CNTLN: variants seen among roughly 807,000 people sequenced by gnomAD.
CNTLN encodes centlein, centrosomal protein.
In CNTLN, 212 loss-of-function variants were observed where a neutral mutation model predicts 180.0. The observed-to-expected ratio is 1.18, with a 90% CI of 1.05 to 1.32. The LOEUF is 1.32. Among genes scored for constraint, CNTLN ranks in the 40% most tolerant of loss-of-function variants. CNTLN has a pLI of 0.00. For synonymous variants in CNTLN, 722 were observed against 563.1 expected (o/e 1.28, Z -3.99); for missense variants, 2,095 against 1,610.9 (o/e 1.30, Z -5.14).
intron 18 of CNTLN, among the ~76,000 whole-genome samples, chr9:17,446,203 C>T (rs1031670161): frequency 6.6e-4 from 101 of 152,212 alleles, no homozygotes; most frequent in East Asian, 1.4e-3. Flanking sequence ...ATATGCTGAA[C>T]GCTGGTTCCC....
chr9:17,181,882 C>T (rs895175081), intron 2 of CNTLN, among the ~76,000 whole-genome samples: 1 of 152,170 alleles, frequency 6.6e-6, no homozygotes, highest in Non-Finnish European at 1.5e-5. Context: ...CTTCCACTGT[C>T]ATCACGGGAG....
intron 13 of CNTLN, among the ~76,000 whole-genome samples, chr9:17,385,704 T>C (rs921650318): frequency 1.3e-5 from 2 of 152,238 alleles, no homozygotes; most frequent in African/African-American, 4.8e-5. Flanking sequence ...ATAGACTTTT[T>C]ATCTTGTTAT....
intron 3 of CNTLN, among the ~76,000 whole-genome samples, chr9:17,231,467 C>T (rs10756855): frequency 0.57 from 86,559 of 151,840 alleles, 27,495 homozygotes; most frequent in African/African-American, 0.85. Flanking sequence ...TGTTATAAAA[C>T]AATGTTAATA....
At chr9:17,252,617 G>C (rs908816598) in intron 5 of CNTLN, among the ~76,000 whole-genome samples, 4 of 151,592 alleles carry the variant, frequency 2.6e-5, no homozygotes, top group African/African-American at 9.7e-5. Flanking sequence ...TGAGTTCCTT[G>C]TCGATTCTAG....
intron 13 of CNTLN, among the ~76,000 whole-genome samples, chr9:17,382,544 A>G (rs1215817165): frequency 6.6e-6 from 1 of 152,254 alleles, no homozygotes; most frequent in Non-Finnish European, 1.5e-5. Context: ...AATGATTAAT[A>G]TTAACTAATT....
At chr9:17,240,051 G>GA (rs2132184815) in intron 5 of CNTLN, among the ~76,000 whole-genome samples, 1 of 152,236 alleles carries the variant, frequency 6.6e-6, no homozygotes, top group South Asian at 2.1e-4. Context: ...TCAGTTTGGG[G>GA]AGTATTACCA....
chr9:17,334,347 G>A (rs1175214253), intron 10 of CNTLN, among the ~76,000 whole-genome samples: 3 of 151,908 alleles, frequency 2.0e-5, no homozygotes, highest in South Asian at 4.2e-4. Context: ...GGCGCGAGCC[G>A]CTGCTCCTGG....
chr9:17,466,072 A>G lies in CNTLN; in HGVS notation c.3623A>G (p.Gln1208Arg), dbSNP rs767723501. Residue 1208 changes from glutamine to arginine, a missense_variant, in exon 22 of 26, where the codon CAG becomes CGG. Physicochemically the swap from Gln to Arg is conservative, Grantham distance 43. Coordinates refer to ENST00000380647, the MANE Select transcript of CNTLN (RefSeq NM_017738.4). ...RLNVAVKEKS[Q>R]YEQMYQKSKE... is the part of the protein sequence containing the mutation. ...AACGTTGCTGTAAAAGAAAAGTCAC[A>G]GTATGAACAGATGTATCAGAAATCT... 2.5e-6 allele frequency: 4 copies of G among 1,606,122 alleles called. No individual in the cohort carries two copies. Among genetic ancestry groups the G allele is most frequent in the African/African-American group, 2.7e-5 (2 of 74,456 alleles).
chr9:17,466,185 A>T (rs1564130594), intron 22 of CNTLN, 67 bp downstream of exon 22: 1 of 1,439,510 alleles, frequency 6.9e-7, no homozygotes, highest in Admixed American at 1.9e-5. Flanking sequence ...CATTTTTAAC[A>T]TTGTTGCTTT....
Position 17,150,616 on chromosome 9 carries a change from G to A in CNTLN, c.449+7240G>A, listed in dbSNP as rs182734988. Among the ~76,000 whole-genome samples the A allele has an allele frequency of 1.6e-3, 247 of 152,208 alleles. 1 individual carries two copies. Among genetic ancestry groups the A allele is most frequent in the Non-Finnish European group, 2.6e-3 (179 of 68,006 alleles). ...CCAGCTTTGTCCTTCTTGCCCAGGAGTGTCTTGGCTATGCGGGCTCTTTTT... is the reference window on the plus strand; with the variant it reads ...CCAGCTTTGTCCTTCTTGCCCAGGAATGTCTTGGCTATGCGGGCTCTTTTT... On this transcript the variant is annotated intron_variant, in intron 2 of 25. Coordinates refer to ENST00000380647, the MANE Select transcript of CNTLN (RefSeq NM_017738.4).
At chr9:17,459,223 T>A (rs1831313280) in intron 19 of CNTLN, among the ~76,000 whole-genome samples, 1 of 151,916 alleles carries the variant, frequency 6.6e-6, no homozygotes. Context: ...TTATTTTACT[T>A]ACTACAAATG....
chr9:17,462,840 G>C, intron 19 of CNTLN, 76 bp from the exon 20 acceptor site: 1 of 545,716 alleles, frequency 1.8e-6, no homozygotes, highest in South Asian at 4.1e-5. Context: ...TTCTTCTTTA[G>C]AATGGCACTT....
At chr9:17,256,341 G>A (rs766957884) in intron 5 of CNTLN, among the ~76,000 whole-genome samples, 2 of 151,924 alleles carry the variant, frequency 1.3e-5, no homozygotes, top group Admixed American at 1.3e-4. Context: ...TCTCCAAACT[G>A]CTTTCCACAG....
chr9:17,466,645 C>T, intron 22 of CNTLN, 61 bp from the exon 23 acceptor site: 1 of 1,372,238 alleles, frequency 7.3e-7, no homozygotes, highest in South Asian at 1.4e-5. Flanking sequence ...ACATGTATAA[C>T]TAACTCTTCC....
chr9:17,147,930 A>T (rs1035208110), intron 2 of CNTLN, among the ~76,000 whole-genome samples: 1 of 152,230 alleles, frequency 6.6e-6, no homozygotes, highest in African/African-American at 2.4e-5. Context: ...ATTGCTAAAC[A>T]TCTTGAAATG....
At chr9:17,462,469 G>A (rs1475692956) in intron 19 of CNTLN, among the ~76,000 whole-genome samples, 1 of 151,784 alleles carries the variant, frequency 6.6e-6, no homozygotes, top group Non-Finnish European at 1.5e-5. Context: ...CAAGTCACAA[G>A]CCAGACTACG....
At chr9:17,299,389 T>C in intron 7 of CNTLN, 2 of 907,920 alleles carry the variant, frequency 2.2e-6, no homozygotes, top group Non-Finnish European at 2.6e-6. Context: ...CTTAGAGAGG[T>C]TAAATAATAC....
chr9:17,328,904 A>G (rs1369898314), intron 8 of CNTLN, among the ~76,000 whole-genome samples: 2 of 151,962 alleles, frequency 1.3e-5, no homozygotes, highest in Admixed American at 1.3e-4. Context: ...TTAATATAAT[A>G]TCAGTAGAAA....
At chr9:17,480,423 T>C (rs1832585115) in intron 23 of CNTLN, among the ~76,000 whole-genome samples, 1 of 151,922 alleles carries the variant, frequency 6.6e-6, no homozygotes, top group African/African-American at 2.4e-5. Flanking sequence ...GTAGAAATTA[T>C]GAAATGTTTA....
Sources: allele counts gnomAD v4.1 joint callset (sites outside exome capture counted in the v4.1 genomes callset), GRCh38; gene constraint gnomAD v4.1.1; transcripts MANE v1.5; gene names NCBI Gene and HGNC (gene_info 2026-07-23, HGNC 2026-07-21).